ZCWPW2: variants seen among roughly 807,000 people sequenced by gnomAD.
ZCWPW2 encodes zinc finger CW-type PWWP domain protein 2.
A neutral mutation model predicts 46.6 loss-of-function variants in ZCWPW2; 45 were observed. The observed-to-expected ratio is 0.96, with a 90% CI of 0.76 to 1.24. ZCWPW2 has a LOEUF of 1.24. ZCWPW2 is among the 50% of genes most tolerant of loss of function. ZCWPW2 has a pLI of 0.00. For synonymous variants in ZCWPW2, 152 were observed against 137.1 expected (o/e 1.11, Z -0.76); for missense variants, 429 against 403.9 (o/e 1.06, Z -0.53).
chr3:28,350,715 T>G (rs1201060737), intron 1 of ZCWPW2, among the ~76,000 whole-genome samples: 1 of 151,646 alleles, frequency 6.6e-6, no homozygotes, highest in East Asian at 1.9e-4. Flanking sequence ...TAGAGAAAAC[T>G]TGTTACACAG....
chr3:28,510,668 G>T (rs1700402198), intron 6 of ZCWPW2, among the ~76,000 whole-genome samples: 1 of 152,042 alleles, frequency 6.6e-6, no homozygotes, highest in African/African-American at 2.4e-5. Context: ...GTCATGTAGG[G>T]CAGAGCTACC....
chr3:28,463,756 C>T (rs1029358391), intron 4 of ZCWPW2, among the ~76,000 whole-genome samples: 8 of 151,808 alleles, frequency 5.3e-5, no homozygotes, highest in African/African-American at 1.7e-4. Context: ...TGGGAGGATC[C>T]CTTGAGCTCA....
intron 3 of ZCWPW2, among the ~76,000 whole-genome samples, chr3:28,432,821 G>A (rs1032378554): frequency 6.6e-6 from 1 of 151,984 alleles, no homozygotes; most frequent in African/African-American, 2.4e-5. Context: ...TGTATTATCT[G>A]AATGAAAAAA....
intron 6 of ZCWPW2, among the ~76,000 whole-genome samples, chr3:28,496,036 G>A (rs141322346): frequency 6.6e-6 from 1 of 152,036 alleles, no homozygotes; most frequent in African/African-American, 2.4e-5. Context: ...AGCATGTTAG[G>A]CTAAAAGCCA....
intron 4 of ZCWPW2, among the ~76,000 whole-genome samples, chr3:28,435,831 G>A (rs947848972): frequency 2.6e-5 from 4 of 152,078 alleles, no homozygotes; most frequent in Non-Finnish European, 4.4e-5. Flanking sequence ...ATCAACTGAA[G>A]ACTTTATGTG....
chr3:28,442,590 C>T (rs866235387), intron 4 of ZCWPW2, among the ~76,000 whole-genome samples: 1 of 152,190 alleles, frequency 6.6e-6, no homozygotes, highest in African/African-American at 2.4e-5. Context: ...CAGCTGAAGG[C>T]AAATTGCTTC....
intron 1 of ZCWPW2, among the ~76,000 whole-genome samples, chr3:28,369,072 C>T (rs1705220765): frequency 2.6e-5 from 4 of 151,992 alleles, no homozygotes; most frequent in Admixed American, 2.0e-4. Flanking sequence ...AATTTTTTTT[C>T]AAGGTTTCTA....
chr3:28,524,507 A>C lies in ZCWPW2; in HGVS notation c.910-20A>C. On this transcript the variant is annotated intron_variant, in intron 9 of 9. Transcript: ENST00000383768. ...GGTAAATTTGACATAGTTCCGATTA[A>C]TTATATGGTTGTTTTGCAGTTATCT... 2 of 1,599,556 alleles carry C rather than the reference A, an allele frequency of 1.3e-6. No homozygotes were observed. The highest frequency in any genetic ancestry group is 1.7e-6 in the Non-Finnish European group (2 of 1,175,518).
At chr3:28,381,817 G>C (rs561624679) in intron 1 of ZCWPW2, among the ~76,000 whole-genome samples, 3 of 152,018 alleles carry the variant, frequency 2.0e-5, no homozygotes, top group Non-Finnish European at 2.9e-5. Flanking sequence ...TAAAGTGGCT[G>C]TATTAATTTG....
At chr3:28,495,726 A>C (rs969597112) in intron 6 of ZCWPW2, among the ~76,000 whole-genome samples, 11 of 151,942 alleles carry the variant, frequency 7.2e-5, no homozygotes, top group Non-Finnish European at 1.6e-4. Context: ...TTATTTAATA[A>C]AAGTATGGAT....
chr3:28,501,847 C>T (rs182394859), intron 6 of ZCWPW2, among the ~76,000 whole-genome samples: 289 of 152,210 alleles, frequency 1.9e-3, no homozygotes, highest in African/African-American at 6.5e-3. Flanking sequence ...CTCCTGGGCT[C>T]AAATGATCCT....
chr3:28,350,415 A>C (rs894407063), intron 1 of ZCWPW2, among the ~76,000 whole-genome samples: 3 of 152,216 alleles, frequency 2.0e-5, no homozygotes, highest in Admixed American at 6.5e-5. Flanking sequence ...GTCATAAATC[A>C]GTATTTTGAA....
intron 1 of ZCWPW2, among the ~76,000 whole-genome samples, chr3:28,380,174 C>T (rs193022315): frequency 9.3e-4 from 141 of 151,942 alleles, no homozygotes; most frequent in African/African-American, 3.3e-3. Context: ...TTAGTAGACA[C>T]GGGGTTTCAC....
intron 1 of ZCWPW2, among the ~76,000 whole-genome samples, chr3:28,381,245 A>C (rs1045345762): frequency 6.6e-6 from 1 of 151,316 alleles, no homozygotes; most frequent in Non-Finnish European, 1.5e-5. Context: ...AAACTTCACC[A>C]GTAGCCTATT....
chr3:28,498,239 G>A (rs1459922867), intron 6 of ZCWPW2, among the ~76,000 whole-genome samples: 4 of 23,670 alleles, frequency 1.7e-4, no homozygotes, highest in Admixed American at 7.1e-4. Flanking sequence ...ACATATATAC[G>A]TGTGTGTGTG....
intron 5 of ZCWPW2, among the ~76,000 whole-genome samples, chr3:28,486,911 G>T: frequency 6.8e-6 from 1 of 147,986 alleles, no homozygotes; most frequent in East Asian, 2.0e-4. Context: ...TTTCTAGGTG[G>T]CTGTGTTATT....
At chr3:28,365,391 T>G (rs1705087925) in intron 1 of ZCWPW2, among the ~76,000 whole-genome samples, 1 of 141,496 alleles carries the variant, frequency 7.1e-6, no homozygotes, top group Non-Finnish European at 1.6e-5. Context: ...CAGCACCATT[T>G]ATTAAATAGG....
chr3:28,442,558 A>G (rs555348859), intron 4 of ZCWPW2, among the ~76,000 whole-genome samples: 3 of 152,358 alleles, frequency 2.0e-5, no homozygotes, highest in Admixed American at 1.3e-4. Flanking sequence ...GTGCGACAGT[A>G]AAAGTATATT....
At chr3:28,518,893 A>G (rs1357570502) in intron 8 of ZCWPW2, among the ~76,000 whole-genome samples, 3 of 152,190 alleles carry the variant, frequency 2.0e-5, no homozygotes, top group African/African-American at 7.2e-5. Flanking sequence ...ACAGGTTACT[A>G]AATAAGAAAT....
Sources: allele counts gnomAD v4.1 joint callset (sites outside exome capture counted in the v4.1 genomes callset), GRCh38; gene constraint gnomAD v4.1.1; transcripts MANE v1.5; gene names NCBI Gene and HGNC (gene_info 2026-07-23, HGNC 2026-07-21).